Variants in GABRG3 observed in about 807,000 individuals in gnomAD.
GABRG3 encodes the protein gamma-aminobutyric acid type A receptor subunit gamma3, also known as gamma-aminobutyric acid receptor subunit gamma-3.
In GABRG3, 25 loss-of-function variants were observed where a neutral mutation model predicts 48.8. That is an observed-to-expected ratio of 0.51 (90% CI 0.37 to 0.72). The LOEUF (loss-of-function observed/expected upper bound fraction) is 0.72, where lower values mean the gene tolerates loss of function less well. Ranked by LOEUF, GABRG3 falls within the 30% of genes least tolerant of loss-of-function variation. The pLI, the probability that GABRG3 is intolerant of heterozygous loss-of-function variation, is 0.00. For synonymous variants in GABRG3, 227 were observed against 217.6 expected (o/e 1.04, Z -0.38); for missense variants, 394 against 577.9 (o/e 0.68, Z 3.26).
At chr15:27,177,665 C>T (rs575909927) in intron 3 of GABRG3, among the ~76,000 whole-genome samples, 1 of 152,330 alleles carries the variant, frequency 6.6e-6, no homozygotes, top group East Asian at 1.9e-4. Flanking sequence ...AGTTTGATTT[C>T]TCTTGCTGTT....
intron 3 of GABRG3, among the ~76,000 whole-genome samples, chr15:27,047,688 C>G (rs933522431): frequency 1.3e-5 from 2 of 152,186 alleles, no homozygotes. Flanking sequence ...GTCTGAGACT[C>G]ATGGTCAGGT....
At chr15:27,147,451 A>AAC (rs1898229700) in intron 3 of GABRG3, among the ~76,000 whole-genome samples, 1 of 152,046 alleles carries the variant, frequency 6.6e-6, no homozygotes, top group African/African-American at 2.4e-5. Context: ...ACAACACTCT[A>AAC]AGACAACTAG....
At chr15:27,165,681 A>AG (rs1566952325) in intron 3 of GABRG3, among the ~76,000 whole-genome samples, 1 of 151,858 alleles carries the variant, frequency 6.6e-6, no homozygotes, top group Non-Finnish European at 1.5e-5. Context: ...CAATAATTTA[A>AG]GTCTGCCATG....
intron 3 of GABRG3, among the ~76,000 whole-genome samples, chr15:27,283,562 C>T (rs1348682426): frequency 1.3e-5 from 2 of 152,138 alleles, no homozygotes; most frequent in African/African-American, 4.8e-5. Flanking sequence ...AGAGATGGCA[C>T]ACAGTTGCAC....
At chr15:27,347,298 G>C (rs1894407239) in intron 5 of GABRG3, among the ~76,000 whole-genome samples, 1 of 152,170 alleles carries the variant, frequency 6.6e-6, no homozygotes. Context: ...AGCCAACGGA[G>C]GTTTGTTCTG....
chr15:27,345,655 A>C (rs1894340007), intron 5 of GABRG3, among the ~76,000 whole-genome samples: 2 of 152,144 alleles, frequency 1.3e-5, no homozygotes, highest in Admixed American at 1.3e-4. Flanking sequence ...TTTTATATAG[A>C]TCTAAGTTTC....
chr15:27,004,460 C>G (rs988027875), intron 2 of GABRG3, among the ~76,000 whole-genome samples: 1 of 151,016 alleles, frequency 6.6e-6, no homozygotes, highest in Admixed American at 6.6e-5. Context: ...CCCCACTTTC[C>G]GGACTGGGCA....
rs1566825972 is a variant in GABRG3 at position 27,403,926 on chromosome 15, AAAC to A, written c.574+75041_574+75043del. Reference sequence around the variant, plus strand: ...ACTCAAAAAAAAACAAAAAAAAAAAAAACAAAAAAAAAAAACCGGGCTTGGTAG... The same window carrying A: ...ACTCAAAAAAAAACAAAAAAAAAAAAAAAAAAAAAAAACCGGGCTTGGTAG... On this transcript the variant is annotated intron_variant, in intron 5 of 9. Coordinates refer to ENST00000615808, the MANE Select transcript of GABRG3 (RefSeq NM_033223.5). Among the ~76,000 whole-genome samples the A allele has an allele frequency of 2.4e-4, 31 of 126,896 alleles. 2 individuals are homozygous for A. The highest frequency in any genetic ancestry group is 1.0e-3 in the African/African-American group (27 of 26,224). 83.2% of individuals were successfully genotyped at this position (126,896 alleles called of 152,430 possible).
intron 3 of GABRG3, among the ~76,000 whole-genome samples, chr15:27,182,716 T>C (rs1887970295): frequency 6.6e-6 from 1 of 152,160 alleles, no homozygotes; most frequent in South Asian, 2.1e-4. Context: ...TGGAGTCAAG[T>C]GCTCCATTGG....
At chr15:27,216,314 G>A (rs926088892) in intron 3 of GABRG3, among the ~76,000 whole-genome samples, 2 of 152,162 alleles carry the variant, frequency 1.3e-5, no homozygotes, top group African/African-American at 4.8e-5. Context: ...AAAATAAAAG[G>A]GAGGATCTGC....
intron 3 of GABRG3, among the ~76,000 whole-genome samples, chr15:27,304,410 A>T (rs191836115): frequency 1.5e-3 from 225 of 151,846 alleles, no homozygotes; most frequent in African/African-American, 3.3e-3. Flanking sequence ...TTATTTTTTT[A>T]AAAAAATCAA....
Position 27,532,507 on chromosome 15 carries a change from A to AT in GABRG3, c.1123-93_1123-92insT, listed in dbSNP as rs572635381. 558 of 1,198,320 alleles carry AT rather than the reference A, an allele frequency of 4.7e-4. 5 individuals are homozygous for AT. The African/African-American group carries it at 7.6e-3, about 16-fold the overall frequency. 74.2% of individuals were successfully genotyped at this position (1,198,320 alleles called of 1,614,324 possible). ...CCCACGCATCCTCTTTATCTATAGG[A>AT]GACAGATGTAATATGGACCTACTGC... On this transcript the variant is annotated intron_variant, in intron 9 of 9. Coordinates refer to ENST00000615808, the MANE Select transcript of GABRG3 (RefSeq NM_033223.5).
chr15:27,295,919 A>G (rs1320042157), intron 3 of GABRG3, among the ~76,000 whole-genome samples: 3 of 152,156 alleles, frequency 2.0e-5, no homozygotes, highest in Admixed American at 6.5e-5. Flanking sequence ...TCTCTGCTCT[A>G]TGAGCTGGCA....
chr15:27,227,128 T>TATGC (rs549456545), intron 3 of GABRG3, among the ~76,000 whole-genome samples: 243 of 152,324 alleles, frequency 1.6e-3, no homozygotes, highest in African/African-American at 5.6e-3. Context: ...GTTGTTGATT[T>TATGC]AACACTAAGG....
chr15:27,451,044 A>G (rs977348972), intron 5 of GABRG3, among the ~76,000 whole-genome samples: 1 of 152,202 alleles, frequency 6.6e-6, no homozygotes, highest in Non-Finnish European at 1.5e-5. Flanking sequence ...ACACAAATAA[A>G]TGAAAAAATA....
intron 3 of GABRG3, among the ~76,000 whole-genome samples, chr15:27,309,122 A>G (rs1892899823): frequency 6.8e-6 from 1 of 147,714 alleles, no homozygotes; most frequent in African/African-American, 2.4e-5. Flanking sequence ...ATAGAAACAT[A>G]TAATGTAAAC....
In GABRG3 at chr15:27,134,006, G is replaced by A. The variant is rs17137640; in HGVS notation, c.270+107185G>A. ...ACTTATGAATCAAAGAGATTATCAT[G>A]TAGCACCATGGCTCCTGATTCTTAA... On this transcript the variant is annotated intron_variant, in intron 3 of 9. Transcript: ENST00000615808. Among the ~76,000 whole-genome samples the A allele has an allele frequency of 5.6e-3, 846 of 152,308 alleles. 9 individuals carry two copies. The highest frequency in any genetic ancestry group is 0.019 in the African/African-American group (802 of 41,550).
intron 2 of GABRG3, among the ~76,000 whole-genome samples, chr15:27,014,399 T>G (rs1895741838): frequency 6.6e-6 from 1 of 151,750 alleles, no homozygotes; most frequent in Admixed American, 6.6e-5. Flanking sequence ...GATTTGAGGG[T>G]TTTCCTCCTT....
At chr15:27,405,508 G>C (rs72705736) in intron 5 of GABRG3, among the ~76,000 whole-genome samples, 2,291 of 152,298 alleles carry the variant, frequency 0.015, 47 homozygotes, top group South Asian at 0.08. Context: ...AATTGGTAAA[G>C]CTGATGGTGT....
Sources: allele counts gnomAD v4.1 joint callset (sites outside exome capture counted in the v4.1 genomes callset), GRCh38; gene constraint gnomAD v4.1.1; transcripts MANE v1.5; gene names NCBI Gene and HGNC (gene_info 2026-07-23, HGNC 2026-07-21).